The following ASPH variants were observed in gnomAD, a reference collection of about 807,000 sequenced individuals.
ASPH encodes the protein aspartyl/asparaginyl beta-hydroxylase.
In ASPH, 100 loss-of-function variants were observed where a neutral mutation model predicts 118.4. That is an observed-to-expected ratio of 0.84 (90% CI 0.72 to 1.00). The LOEUF (loss-of-function observed/expected upper bound fraction) is 1.00, where lower values mean the gene tolerates loss of function less well. Among genes scored for constraint, ASPH ranks in the 50% least tolerant of loss-of-function variants. The probability of loss-of-function intolerance (pLI) is 0.00; values close to 1 mark genes in which losing one functional copy is unlikely to be tolerated. For synonymous variants in ASPH, 315 were observed against 325.6 expected (o/e 0.97, Z 0.35); for missense variants, 920 against 919.5 (o/e 1.00, Z -0.01).
chr8:61,708,214 G>C (rs1284801013), intron 1 of ASPH, among the ~76,000 whole-genome samples: 2 of 152,084 alleles, frequency 1.3e-5, no homozygotes, highest in Non-Finnish European at 2.9e-5. Flanking sequence ...CAATTTTAAA[G>C]AGCAATACAC....
At chr8:61,610,085 C>T (rs1846850920) in intron 14 of ASPH, among the ~76,000 whole-genome samples, 1 of 152,066 alleles carries the variant, frequency 6.6e-6, no homozygotes, top group Non-Finnish European at 1.5e-5. Flanking sequence ...CATACCAATA[C>T]CTGATTTTTT....
At chr8:61,556,177 T>C (rs1827797501) in intron 18 of ASPH, among the ~76,000 whole-genome samples, 155 bp from the exon 19 acceptor site, 1 of 152,258 alleles carries the variant, frequency 6.6e-6, no homozygotes, top group Admixed American at 6.5e-5. Flanking sequence ...GTACTTTGTC[T>C]CATGGCAATA....
intron 2 of ASPH, chr8:61,682,369 A>G: frequency 1.4e-6 from 2 of 1,465,308 alleles, no homozygotes; most frequent in Non-Finnish European, 1.9e-6. Context: ...TAATAATTAA[A>G]TTAGTAGAAA....
At chr8:61,549,546 T>G (rs187409264) in intron 20 of ASPH, among the ~76,000 whole-genome samples, 2 of 152,340 alleles carry the variant, frequency 1.3e-5, no homozygotes, top group East Asian at 3.9e-4. Flanking sequence ...CTTAAATATT[T>G]TCCTTACAAT....
At chr8:61,604,614 G>T (rs1487006222) in intron 14 of ASPH, among the ~76,000 whole-genome samples, 1 of 152,166 alleles carries the variant, frequency 6.6e-6, no homozygotes, top group Non-Finnish European at 1.5e-5. Context: ...CAGCCCCAAA[G>T]ATGTGATACA....
intron 5 of ASPH, among the ~76,000 whole-genome samples, chr8:61,650,730 G>A (rs1810556892): frequency 6.6e-6 from 1 of 152,090 alleles, no homozygotes; most frequent in Non-Finnish European, 1.5e-5. Flanking sequence ...ACCCGACCGT[G>A]GGCCTGTGTC....
chr8:61,647,402 A>C (rs2151040211), intron 5 of ASPH, among the ~76,000 whole-genome samples: 1 of 152,288 alleles, frequency 6.6e-6, no homozygotes, highest in East Asian at 1.9e-4. Flanking sequence ...CAGGCATGGC[A>C]GCTCACGCCT....
intron 3 of ASPH, among the ~76,000 whole-genome samples, chr8:61,667,008 T>C (rs1456366713): frequency 6.6e-6 from 1 of 151,968 alleles, no homozygotes; most frequent in Non-Finnish European, 1.5e-5. Context: ...AATAAGATGG[T>C]GAAAATTGTT....
chr8:61,663,400 T>TA, intron 3 of ASPH: 3 of 985,410 alleles, frequency 3.0e-6, no homozygotes, highest in Non-Finnish European at 3.6e-6. Context: ...TTGGGATTGG[T>TA]AAACTAGAGA....
chr8:61,664,204 A>G (rs1162873535), intron 3 of ASPH: 3 of 969,010 alleles, frequency 3.1e-6, no homozygotes, highest in African/African-American at 3.5e-5. Flanking sequence ...TTTATATTAA[A>G]TGTTTTCTAA....
At chr8:61,611,246 A>G (rs565653112) in intron 14 of ASPH, among the ~76,000 whole-genome samples, 22 of 152,322 alleles carry the variant, frequency 1.4e-4, no homozygotes, top group African/African-American at 4.6e-4. Flanking sequence ...GTATTTCCCA[A>G]GTTTTTTGCT....
chr8:61,537,935 C>T (rs1820266712), intron 21 of ASPH, among the ~76,000 whole-genome samples: 1 of 151,994 alleles, frequency 6.6e-6, no homozygotes, highest in Non-Finnish European at 1.5e-5. Flanking sequence ...ACACTGTGTT[C>T]CTTTGCTCTG....
chr8:61,683,899 C>T (rs1019112481), intron 2 of ASPH, 140 bp downstream of exon 2: 1 of 991,004 alleles, frequency 1.0e-6, no homozygotes, highest in East Asian at 2.4e-5. Context: ...TTCATATCCC[C>T]TTTCAGCCTC....
At chr8:61,520,361 C>T (rs1413095098) in intron 22 of ASPH, among the ~76,000 whole-genome samples, 1 of 152,178 alleles carries the variant, frequency 6.6e-6, no homozygotes, top group Non-Finnish European at 1.5e-5. Context: ...CTAAAAGAGA[C>T]TGCTACATCT....
chr8:61,607,753 G>A (rs1022921723), intron 14 of ASPH, among the ~76,000 whole-genome samples: 7 of 152,108 alleles, frequency 4.6e-5, no homozygotes, highest in Admixed American at 6.6e-5. Flanking sequence ...GTGAACAAAC[G>A]AAGTGGAATG....
intron 3 of ASPH, among the ~76,000 whole-genome samples, chr8:61,674,753 T>C (rs1003052094): frequency 1.1e-4 from 17 of 152,178 alleles, no homozygotes; most frequent in Admixed American, 8.5e-4. Context: ...AATAAATGGA[T>C]GAATGATACA....
intron 24 of ASPH, among the ~76,000 whole-genome samples, chr8:61,511,263 T>C (rs990368063): frequency 5.3e-5 from 8 of 152,342 alleles, no homozygotes; most frequent in Admixed American, 5.2e-4. Context: ...ATTAAATGAT[T>C]GATTGCCAAT....
chr8:61,577,001 A>T (rs1275083712), intron 15 of ASPH, 143 bp from the exon 16 acceptor site: 6 of 646,026 alleles, frequency 9.3e-6, no homozygotes, highest in East Asian at 8.7e-5. Context: ...CTAAGATTTT[A>T]AAAAAAGCTA....
rs115168794 is a variant in ASPH at position 61,622,968 on chromosome 8, T to A, written c.935-3949A>T. On this transcript the variant is annotated intron_variant, in intron 13 of 24. Transcript: ENST00000379454. The stretch of plus-strand genomic sequence containing the variant: ...CTGTTCTAGAACCCCAGGGGCTTCT[T>A]CCTTATTTAGTTCTCCTTTTCTGTC... 1.7e-3 allele frequency among the ~76,000 whole-genome samples: 259 copies of A among 152,300 alleles called. 1 individual carries two copies. Among genetic ancestry groups the A allele is most frequent in the African/African-American group, 5.8e-3 (241 of 41,566 alleles).
Sources: gnomAD v4.1 joint callset for allele counts (sites outside exome capture counted in the v4.1 genomes callset) on GRCh38, gnomAD v4.1.1 for gene constraint, MANE v1.5 for transcripts, NCBI Gene and HGNC (gene_info 2026-07-23, HGNC 2026-07-21) for gene names.